Variants in SLC12A7 observed in about 807,000 individuals in gnomAD.
The protein encoded by SLC12A7 is solute carrier family 12 member 7, also known as K-Cl cotransporter 4.
In SLC12A7, 100 loss-of-function variants were observed where a neutral mutation model predicts 120.6. The observed-to-expected ratio is 0.83, with a 90% CI of 0.71 to 0.98. SLC12A7 has a LOEUF of 0.98. Among genes scored for constraint, SLC12A7 ranks in the 50% least tolerant of loss-of-function variants. The pLI, the probability that SLC12A7 is intolerant of heterozygous loss-of-function variation, is 0.00. For synonymous variants in SLC12A7, 760 were observed against 678.0 expected (o/e 1.12, Z -1.88); for missense variants, 1,373 against 1,548.1 (o/e 0.89, Z 1.90).
Position 1,111,938 on chromosome 5 carries a change from C to A in SLC12A7, c.54G>T (p.Gly18=). 1.6e-6 allele frequency: 2 copies of A among 1,289,350 alleles called. No homozygotes were observed. Among genetic ancestry groups the A allele is most frequent in the East Asian group, 3.1e-5 (1 of 32,274 alleles). The allele number at this position is 1,289,350 out of a possible 1,614,324, so 79.9% of individuals were successfully genotyped here. Residue 18 remains glycine, a synonymous_variant, in exon 1 of 24, where the codon GGG becomes GGT. Coordinates refer to ENST00000264930, the MANE Select transcript of SLC12A7 (RefSeq NM_006598.3). ...VPVEAHADGG[G]DETAERTEAP... is the part of the protein sequence containing the mutation. ...CCTCCGTCCGCTCGGCAGTCTCGTC[C>A]CCGCCGCCGTCGGCGTGAGCCTCCA...
chr5:1,152,990 T>A, the SLC12A7 span, among the ~76,000 whole-genome samples: 86,973 of 152,168 alleles, frequency 0.57, 25,704 homozygotes, highest in East Asian at 0.71. Context: ...TTTGCTTTTT[T>A]AAACTTGGTT....
At chr5:1,077,487 A>G (rs1014706363) in intron 12 of SLC12A7, among the ~76,000 whole-genome samples, 14 of 152,216 alleles carry the variant, frequency 9.2e-5, no homozygotes, top group Admixed American at 9.2e-4. Flanking sequence ...CACGGGCTGA[A>G]GAGCTCAGCC....
chr5:1,077,878 G>T lies in SLC12A7; in HGVS notation c.1584C>A (p.Arg528=), dbSNP rs753514578. 24 of 1,598,030 alleles carry T rather than the reference G, an allele frequency of 1.5e-5. No individual in the cohort carries two copies. In the Admixed American group the frequency reaches 4.1e-4, roughly 27 times the overall value. The change falls in exon 12 of 24, where the codon CGC becomes CGA. Residue 528 remains arginine (R), a synonymous_variant. Coordinates refer to ENST00000264930, the MANE Select transcript of SLC12A7 (RefSeq NM_006598.3). The part of the protein sequence containing the change: ...AGLQSLTGAP[R]LLQAIARDGI... ...CGTCACGGGCAATGGCCTGCAGTAGGCGCGGTGCCCCCGTGAGGCTCTGCA... is the reference window on the plus strand; with the variant it reads ...CGTCACGGGCAATGGCCTGCAGTAGTCGCGGTGCCCCCGTGAGGCTCTGCA...
chr5:1,086,518 T>C (rs992499567), intron 6 of SLC12A7, among the ~76,000 whole-genome samples: 1 of 152,228 alleles, frequency 6.6e-6, no homozygotes, highest in Non-Finnish European at 1.5e-5. Context: ...CTCGGCCAAG[T>C]GCCCAGATCA....
At chr5:1,140,067 G>A in the SLC12A7 span, among the ~76,000 whole-genome samples, 3 of 152,146 alleles carry the variant, frequency 2.0e-5, no homozygotes, top group African/African-American at 4.8e-5. Flanking sequence ...CAAACGCTCC[G>A]AGGTCGGTGA....
intron 17 of SLC12A7, among the ~76,000 whole-genome samples, chr5:1,069,890 G>A (rs1737475326): frequency 6.6e-6 from 1 of 152,102 alleles, no homozygotes; most frequent in Non-Finnish European, 1.5e-5. Flanking sequence ...GCAGGGCTCA[G>A]AGCTGGCACC....
chr5:1,076,779 T>C lies in SLC12A7; in HGVS notation c.1663A>G (p.Thr555Ala), dbSNP rs761987528. ...FGHGKANGEP[T>A]WALLLTVLIC... Reference sequence around the variant, plus strand: ...AGGACTGTCAGCAGCAGCGCCCACGTGGGCTCCCCGTTGGCCTTCCCGTGG... The same window carrying C: ...AGGACTGTCAGCAGCAGCGCCCACGCGGGCTCCCCGTTGGCCTTCCCGTGG... The change falls in exon 13 of 24, where the codon ACG becomes GCG. Residue 555 changes from threonine (T) to alanine (A), a missense_variant. By Grantham distance (58) the Thr-to-Ala change is moderately conservative. Coordinates refer to ENST00000264930, the MANE Select transcript of SLC12A7 (RefSeq NM_006598.3). 1 of 1,610,974 alleles carries C rather than the reference T, an allele frequency of 6.2e-7. No individual in the cohort carries two copies. Among genetic ancestry groups the C allele is most frequent in the South Asian group, 1.1e-5 (1 of 91,070 alleles).
At chr5:1,124,684 C>T in the SLC12A7 span, among the ~76,000 whole-genome samples, 1 of 152,164 alleles carries the variant, frequency 6.6e-6, no homozygotes, top group Non-Finnish European at 1.5e-5. Context: ...TCCCTGATCG[C>T]AGCAGACCTG....
intron 17 of SLC12A7, among the ~76,000 whole-genome samples, chr5:1,068,042 A>G (rs1234175022): frequency 6.6e-6 from 1 of 152,228 alleles, no homozygotes; most frequent in Non-Finnish European, 1.5e-5. Flanking sequence ...TATGCCAATC[A>G]GTGCCACACA....
intron 15 of SLC12A7, 77 bp from the exon 16 acceptor site, chr5:1,074,748 G>A (rs754480976): frequency 2.3e-5 from 32 of 1,391,484 alleles, no homozygotes; most frequent in Non-Finnish European, 3.2e-5. Context: ...GGGACTTCTG[G>A]GGGCAGGTGA....
chr5:1,117,999 C>T, the SLC12A7 span, among the ~76,000 whole-genome samples: 1 of 152,278 alleles, frequency 6.6e-6, no homozygotes, highest in East Asian at 1.9e-4. This position sits in a 1 kb window ranked among gnomAD's most constrained non-coding sequence, Gnocchi z 4.5. Context: ...TGGCGTGAAC[C>T]CGGGAGGCGG....
At chr5:1,138,647 C>A in the SLC12A7 span, among the ~76,000 whole-genome samples, 1 of 152,190 alleles carries the variant, frequency 6.6e-6, no homozygotes, top group Non-Finnish European at 1.5e-5. Context: ...TGCAAAGATT[C>A]TTTTCCAAAT....
intron 21 of SLC12A7, among the ~76,000 whole-genome samples, chr5:1,058,027 C>T (rs889382422): frequency 6.6e-6 from 1 of 152,182 alleles, no homozygotes; most frequent in Non-Finnish European, 1.5e-5. Context: ...GCGTCCCCGT[C>T]TCAGGGAGGC....
In SLC12A7 at chr5:1,052,574, A is replaced by C; in HGVS notation, c.3161-123T>G. 4 of 790,572 alleles carry C rather than the reference A, an allele frequency of 5.1e-6. No individual in the cohort carries two copies. The East Asian group carries it at 1.0e-4, about 20-fold the overall frequency. The allele number at this position is 790,572 out of a possible 1,614,324, so 49.0% of individuals were successfully genotyped here. On this transcript the variant is annotated intron_variant, in intron 23 of 23. Coordinates refer to ENST00000264930, the MANE Select transcript of SLC12A7 (RefSeq NM_006598.3). Reference sequence around the variant, plus strand: ...GATTTGGTTTGAGAAACCCAGAGCCAAGGTGAAAAGAGAGGTGGGGATTAG... The same window carrying C: ...GATTTGGTTTGAGAAACCCAGAGCCCAGGTGAAAAGAGAGGTGGGGATTAG...
chr5:1,076,606 C>T, intron 13 of SLC12A7, 88 bp downstream of exon 13: 1 of 956,476 alleles, frequency 1.0e-6, no homozygotes, highest in Non-Finnish European at 1.6e-6. Flanking sequence ...CTGTCTACTG[C>T]TTGTCCTGAG....
Position 1,085,336 on chromosome 5 carries a change from C to T in SLC12A7, c.813G>A (p.Lys271=), listed in dbSNP as rs1739713019. 1 of 1,612,620 alleles carries T rather than the reference C, an allele frequency of 6.2e-7. No homozygotes were observed. Among genetic ancestry groups the T allele is most frequent in the South Asian group, 1.1e-5 (1 of 91,042 alleles). The change falls in exon 7 of 24, where the codon AAG becomes AAA. Residue 271 remains lysine (K), a synonymous_variant. Coordinates refer to ENST00000264930, the MANE Select transcript of SLC12A7 (RefSeq NM_006598.3). ...LMALVVFVGV[K]YVNKLALVFL... The stretch of plus-strand genomic sequence containing the variant: ...AGACCAGCGCCAGCTTGTTGACATA[C>T]TTGACGCCCACGAAGACCACCAGGG...
At chr5:1,091,023 G>A (rs1364486041) in intron 3 of SLC12A7, among the ~76,000 whole-genome samples, 1 of 152,172 alleles carries the variant, frequency 6.6e-6, no homozygotes, top group African/African-American at 2.4e-5. Context: ...AGCCGAAGGA[G>A]TCACTGCCAA....
chr5:1,153,988 C>A, the SLC12A7 span, among the ~76,000 whole-genome samples: 1 of 152,116 alleles, frequency 6.6e-6, no homozygotes, highest in Non-Finnish European at 1.5e-5. Context: ...ACCCGAGAGC[C>A]ACAGCTGCCA....
In SLC12A7 at chr5:1,060,405, A is replaced by G. The variant is rs201904847; in HGVS notation, c.2786T>C (p.Met929Thr). The change falls in exon 21 of 24, where the codon ATG becomes ACG. Residue 929 changes from methionine (M) to threonine (T), a missense_variant. By Grantham distance (81) the Met-to-Thr change is moderately conservative (BLOSUM62 -1). Transcript: ENST00000264930. Reference sequence around the variant, plus strand: ...CTTCAGCATCTGCGACCTCTGCTCCATCATTAGTGTCCTCTCGTAGGTGAA... The same window carrying G: ...CTTCAGCATCTGCGACCTCTGCTCCGTCATTAGTGTCCTCTCGTAGGTGAA... ...SAFTYERTLM[M>T]EQRSQMLKQM... 31 of 1,613,664 alleles carry G rather than the reference A, an allele frequency of 1.9e-5. No homozygotes were observed. The highest frequency in any genetic ancestry group is 2.5e-5 in the Non-Finnish European group (29 of 1,179,980).
Sources: allele counts gnomAD v4.1 joint callset (sites outside exome capture counted in the v4.1 genomes callset), GRCh38; gene constraint gnomAD v4.1.1; non-coding constraint Gnocchi (gnomAD v3.1); transcripts MANE v1.5; gene names NCBI Gene and HGNC (gene_info 2026-07-23, HGNC 2026-07-21).